The following DIP2C variants were observed in gnomAD, a reference collection of about 807,000 sequenced individuals.
DIP2C encodes disco-interacting protein 2 homolog C.
A neutral mutation model predicts 192.4 loss-of-function variants in DIP2C; 33 were observed. The ratio of observed to expected loss-of-function variants is 0.17; its 90% CI spans 0.13 to 0.23. The LOEUF is 0.23. Ranked by LOEUF, DIP2C falls within the 10% of genes least tolerant of loss-of-function variation. DIP2C has a pLI of 1.00. For synonymous variants in DIP2C, 979 were observed against 864.1 expected (o/e 1.13, Z -2.33); for missense variants, 1,537 against 2,110.1 (o/e 0.73, Z 5.32).
At chr10:621,811 C>T (rs1224354182) in intron 1 of DIP2C, among the ~76,000 whole-genome samples, 3 of 152,160 alleles carry the variant, frequency 2.0e-5, no homozygotes, top group South Asian at 2.1e-4. Context: ...CTTTCTGCTG[C>T]GGCTGACATC....
chr10:657,899 C>A (rs1197511759), intron 1 of DIP2C, among the ~76,000 whole-genome samples: 1 of 151,798 alleles, frequency 6.6e-6, no homozygotes, highest in Non-Finnish European at 1.5e-5. Flanking sequence ...CTGGACCTGC[C>A]GCTGGACCTG....
chr10:523,856 G>A (rs933234783), intron 1 of DIP2C, among the ~76,000 whole-genome samples: 1 of 152,212 alleles, frequency 6.6e-6, no homozygotes, highest in South Asian at 2.1e-4. Flanking sequence ...TACACATAAA[G>A]AACCCTGTGA....
intron 1 of DIP2C, among the ~76,000 whole-genome samples, chr10:489,255 T>TA (rs1844248312): frequency 6.6e-6 from 1 of 152,242 alleles, no homozygotes; most frequent in Admixed American, 6.5e-5. Context: ...ATTCCCATGA[T>TA]AGACTCGCTG....
At chr10:610,685 A>T (rs1197397891) in intron 1 of DIP2C, among the ~76,000 whole-genome samples, 2 of 152,226 alleles carry the variant, frequency 1.3e-5, no homozygotes, top group African/African-American at 4.8e-5. Flanking sequence ...TCTCATGCTG[A>T]ACTGTAACCC....
intron 33 of DIP2C, among the ~76,000 whole-genome samples, chr10:287,521 T>C (rs1369749864): frequency 6.6e-6 from 1 of 152,106 alleles, no homozygotes; most frequent in Non-Finnish European, 1.5e-5. Flanking sequence ...ACTGTTAGGA[T>C]GGATGGTGAG....
intron 22 of DIP2C, 21 bp from the exon 23 acceptor site, chr10:357,958 G>A (rs1959166411): frequency 6.3e-7 from 1 of 1,577,616 alleles, no homozygotes; most frequent in Non-Finnish European, 8.7e-7. Flanking sequence ...ACAGAGACAT[G>A]GCCATGAGGA....
At chr10:362,058 G>T (rs539127624) in intron 22 of DIP2C, among the ~76,000 whole-genome samples, 1 of 151,814 alleles carries the variant, frequency 6.6e-6, no homozygotes, top group Non-Finnish European at 1.5e-5. Flanking sequence ...GAGAACAATG[G>T]TGTGGGGGAA....
intron 1 of DIP2C, among the ~76,000 whole-genome samples, chr10:542,115 C>A (rs1365594801): frequency 6.6e-6 from 1 of 152,204 alleles, no homozygotes; most frequent in Non-Finnish European, 1.5e-5. Context: ...ACCAACCCAG[C>A]AACACCTTGA....
chr10:357,678 T>G (rs1279466421), intron 23 of DIP2C, 150 bp downstream of exon 23: 4 of 544,788 alleles, frequency 7.3e-6, no homozygotes, highest in African/African-American at 3.8e-5. Flanking sequence ...AGTCGGGGAC[T>G]GTCGGGGACG....
At chr10:502,537 A>G (rs193011929) in intron 1 of DIP2C, among the ~76,000 whole-genome samples, 134 of 152,214 alleles carry the variant, frequency 8.8e-4, no homozygotes, top group African/African-American at 3.1e-3. Context: ...CAAATCAAAG[A>G]AACTGAAAAC....
At chr10:531,359 C>G (rs1847360961) in intron 1 of DIP2C, among the ~76,000 whole-genome samples, 2 of 152,158 alleles carry the variant, frequency 1.3e-5, no homozygotes, top group Admixed American at 1.3e-4. Context: ...GTCTCCTCCC[C>G]TCCTGAGGGG....
At position 292,645 on chromosome 10, in the gene DIP2C, A is replaced by G. The variant is rs368355825; in HGVS notation, c.3987-4224T>C. Among the ~76,000 whole-genome samples the G allele has an allele frequency of 8.7e-4, 133 of 152,340 alleles. 3 individuals carry two copies. In the South Asian group the frequency reaches 0.027, roughly 31 times the overall value. On this transcript the variant is annotated intron_variant, in intron 32 of 36. Transcript: ENST00000280886. ...GGAACGAATGCATGGCTGTCACAAG[A>G]GGTCTGTGAGGTCTTCATTCTTCAT...
chr10:670,480 G>A (rs1430268848), intron 1 of DIP2C, among the ~76,000 whole-genome samples: 1 of 152,206 alleles, frequency 6.6e-6, no homozygotes, highest in African/African-American at 2.4e-5. Context: ...GTCAACAAGT[G>A]AGAATTGAGA....
intron 1 of DIP2C, among the ~76,000 whole-genome samples, chr10:541,542 C>T (rs1466840977): frequency 6.7e-6 from 1 of 149,396 alleles, no homozygotes; most frequent in African/African-American, 2.5e-5. Context: ...CTCCTCGACC[C>T]CACAGTGTGA....
intron 1 of DIP2C, among the ~76,000 whole-genome samples, chr10:563,945 T>C (rs181302406): frequency 6.6e-6 from 1 of 152,344 alleles, no homozygotes; most frequent in Admixed American, 6.5e-5. Flanking sequence ...AGGGAATCGA[T>C]GCTGAATTTG....
chr10:414,900 ATATATATTTT>A (rs1416404625), intron 7 of DIP2C, among the ~76,000 whole-genome samples: 3 of 104,034 alleles, frequency 2.9e-5, no homozygotes, highest in Admixed American at 9.8e-5. Flanking sequence ...GTATATATAT[ATATATATTTT>A]TTTTTTTTTT....
Position 449,742 on chromosome 10 carries a change from T to C in DIP2C, c.269-8746A>G, listed in dbSNP as rs550448291. On this transcript the variant is annotated intron_variant, in intron 3 of 36. Transcript: ENST00000280886. ...CACATGTATACATATGTAACTAACC[T>C]GCACAATGTGCACATGTACCCTAAA... 1.8e-4 allele frequency among the ~76,000 whole-genome samples: 26 copies of C among 144,520 alleles called. No individual in the cohort carries two copies. In the South Asian group the frequency reaches 3.3e-3, roughly 18 times the overall value. The allele number at this position is 144,520 out of a possible 152,430, so 94.8% of individuals were successfully genotyped here.
intron 4 of DIP2C, among the ~76,000 whole-genome samples, chr10:436,236 A>G (rs1967183312): frequency 1.3e-5 from 2 of 152,172 alleles, no homozygotes; most frequent in African/African-American, 4.8e-5. Flanking sequence ...TTCTCTGTGT[A>G]TGCAGTGATT....
chr10:539,918 A>T (rs1017002515), intron 1 of DIP2C, among the ~76,000 whole-genome samples: 2 of 152,162 alleles, frequency 1.3e-5, no homozygotes, highest in Non-Finnish European at 2.9e-5. Flanking sequence ...CACATTACAA[A>T]CCCCTAAATA....
Sources: gnomAD v4.1 joint callset for allele counts (sites outside exome capture counted in the v4.1 genomes callset) on GRCh38, gnomAD v4.1.1 for gene constraint, MANE v1.5 for transcripts, NCBI Gene and HGNC (gene_info 2026-07-23, HGNC 2026-07-21) for gene names.